LGI2: variants seen among roughly 807,000 people sequenced by gnomAD.
LGI2 encodes the protein leucine-rich repeat LGI family member 2.
Under a neutral mutation model 52.0 loss-of-function variants are expected in LGI2, and 30 were observed. The observed-to-expected ratio is 0.58, with a 90% CI of 0.43 to 0.78. The LOEUF (loss-of-function observed/expected upper bound fraction) is 0.78, where lower values mean the gene tolerates loss of function less well. LGI2 is among the 30% of genes least tolerant of loss of function. LGI2 has a pLI of 0.00. For missense variants in LGI2, 573 were observed against 692.5 expected (o/e 0.83, Z 1.94); for synonymous variants, 270 against 271.8 (o/e 0.99, Z 0.06).
In LGI2 at chr4:25,003,815, C is replaced by T. The variant is rs765677664; in HGVS notation, c.1274G>A (p.Ser425Asn). The T allele has an allele frequency of 6.2e-7, 1 of 1,614,178 alleles. No individual in the cohort carries two copies. The change falls in exon 8 of 8, where the codon AGC becomes AAC. Residue 425 changes from serine to asparagine, a missense_variant. Transcript: ENST00000382114. ...PNMEDVLAVK[S>N]FRMQNTLYLS... is the part of the protein sequence containing the mutation. The stretch of plus-strand genomic sequence containing the variant: ...GTAGAGGGTATTTTGCATTCGGAAG[C>T]TCTTCACAGCCAGTACGTCCTCCAT...
chr4:25,028,476 C>G (rs759745098), intron 2 of LGI2, 31 bp downstream of exon 2: 4 of 1,602,970 alleles, frequency 2.5e-6, no homozygotes, highest in Non-Finnish European at 2.6e-6. Flanking sequence ...TCAGGGCCCC[C>G]CATTGTGCAG....
rs1474063887 is a variant in LGI2, at chr4:25,003,591, T to G, written c.1498A>C (p.Lys500Gln). 1.1e-5 allele frequency: 18 copies of G among 1,614,200 alleles called. No individual in the cohort carries two copies. Among genetic ancestry groups the G allele is most frequent in the Non-Finnish European group, 1.5e-5 (18 of 1,180,036 alleles). ...TGCACGTAAATCTCCTTAAACTTTT[T>G]GAATAGCTGCTTCTCTTTATCCCAC... is the stretch of plus-strand genomic sequence containing the variant. ...YQWDKEKQLF[K>Q]KFKEIYVQAP... is the part of the protein sequence containing the mutation. Residue 500 changes from lysine (K) to glutamine (Q), a missense_variant, in exon 8 of 8, where the codon AAA (lysine) becomes CAA (glutamine). Coordinates refer to ENST00000382114, the MANE Select transcript of LGI2 (RefSeq NM_018176.4).
At chr4:25,015,486 T>A (rs929071437) in intron 6 of LGI2, among the ~76,000 whole-genome samples, 1 of 152,116 alleles carries the variant, frequency 6.6e-6, no homozygotes, top group Non-Finnish European at 1.5e-5. Flanking sequence ...TTACACCCCT[T>A]GGCCAAGGAA....
downstream of LGI2, among the ~76,000 whole-genome samples, chr4:24,995,941 C>T (rs1008479914): frequency 6.6e-6 from 1 of 152,146 alleles, no homozygotes; most frequent in African/African-American, 2.4e-5. Flanking sequence ...TGGAAGAGAG[C>T]TGGCCAGTGG....
downstream of LGI2, among the ~76,000 whole-genome samples, chr4:24,993,941 G>A (rs1380591323): frequency 6.6e-6 from 1 of 152,186 alleles, no homozygotes; most frequent in South Asian, 2.1e-4. Context: ...AAGTAGAGCA[G>A]ATACTCCACT....
rs1174661196 is a variant in LGI2, at chr4:25,019,137, A to T, written c.485+30T>A. ...CATGATTAACTGGGGCACAATGACA[A>T]ACACACATAAACTAAATTTCATTAC... On this transcript the variant is annotated intron_variant, in intron 5 of 7. Coordinates refer to ENST00000382114, the MANE Select transcript of LGI2 (RefSeq NM_018176.4). 2.2e-6 allele frequency: 3 copies of T among 1,372,398 alleles called. No homozygotes were observed. The African/African-American group carries it at 4.3e-5, about 20-fold the overall frequency. 85.0% of individuals were successfully genotyped at this position (1,372,398 alleles called of 1,614,324 possible). A position where few individuals can be genotyped will look rare whatever the true frequency, so the allele number is the denominator to read the frequency against.
Position 25,003,420 on chromosome 4 carries a change from T to C in LGI2, c.*31A>G, listed in dbSNP as rs1330135427. The C allele has an allele frequency of 1.4e-6, 2 of 1,448,012 alleles. No individual in the cohort carries two copies. Among genetic ancestry groups the C allele is most frequent in the Non-Finnish European group, 1.9e-6 (2 of 1,067,546 alleles). The allele number at this position is 1,448,012 out of a possible 1,614,324, so 89.7% of individuals were successfully genotyped here. ...GGTCCTCTTTTGTGAGAGCTAATGC[T>C]ACATTTCTCTTAGTTTCACCCACCA... On this transcript the variant is annotated 3_prime_UTR_variant, in exon 8 of 8. Transcript: ENST00000382114.
At chr4:25,009,035 G>A (rs1244636286) in intron 7 of LGI2, among the ~76,000 whole-genome samples, 1 of 152,188 alleles carries the variant, frequency 6.6e-6, no homozygotes, top group East Asian at 1.9e-4. Flanking sequence ...CGACCTTTGT[G>A]CTCTCACTCT....
chr4:25,018,233 A>C, intron 5 of LGI2, 75 bp from the exon 6 acceptor site: 1 of 1,072,636 alleles, frequency 9.3e-7, no homozygotes, highest in African/African-American at 1.6e-5. Flanking sequence ...AGTAACACGA[A>C]ACTCCAGAAT....
At chr4:25,025,977 C>T (rs1358201793) in intron 3 of LGI2, among the ~76,000 whole-genome samples, 2 of 152,146 alleles carry the variant, frequency 1.3e-5, no homozygotes, top group East Asian at 3.8e-4. Context: ...CTACACTTTC[C>T]ATACTATGTA....
chr4:25,022,971 A>G (rs1211405895), intron 4 of LGI2, among the ~76,000 whole-genome samples: 1 of 152,210 alleles, frequency 6.6e-6, no homozygotes, highest in Non-Finnish European at 1.5e-5. Flanking sequence ...CTGTCTCCTT[A>G]GTAGACTCTG....
chr4:25,010,492 C>T (rs1725544252), intron 7 of LGI2, among the ~76,000 whole-genome samples: 1 of 152,280 alleles, frequency 6.6e-6, no homozygotes, highest in African/African-American at 2.4e-5. Context: ...GCACTCAATC[C>T]TCATAGCATC....
At position 25,010,229 on chromosome 4, in the gene LGI2, G is replaced by A. The variant is rs961430759; in HGVS notation, c.820+2106C>T. Among the ~76,000 whole-genome samples the A allele has an allele frequency of 4.5e-4, 69 of 152,168 alleles. 1 individual carries two copies. Among genetic ancestry groups the A allele is most frequent in the African/African-American group, 1.7e-4 (7 of 41,530 alleles). On this transcript the variant is annotated intron_variant, in intron 7 of 7. Transcript: ENST00000382114. ...CGGGAGGCAGAGGTTGCAGTGAGCC[G>A]AGACTGCGCCACTGCACTCTAGCCT...
In LGI2 at chr4:25,027,020, G is replaced by A. The variant is rs536907141; in HGVS notation, c.270-81C>T. Reference sequence around the variant, plus strand: ...AAGCCATTTCTCTTTCCTTTGCTACGTTTTGATCTGTGGGCAAACATGAGC... The same window carrying A: ...AAGCCATTTCTCTTTCCTTTGCTACATTTTGATCTGTGGGCAAACATGAGC... On this transcript the variant is annotated intron_variant, in intron 2 of 7. Coordinates refer to ENST00000382114, the MANE Select transcript of LGI2 (RefSeq NM_018176.4). The A allele has an allele frequency of 1.1e-3, 1,249 of 1,096,212 alleles. 18 individuals are homozygous for A. In the South Asian group the frequency reaches 0.015, roughly 13 times the overall value. The allele number at this position is 1,096,212 out of a possible 1,614,324, so 67.9% of individuals were successfully genotyped here. A position where few individuals can be genotyped will look rare whatever the true frequency, so the allele number is the denominator to read the frequency against.
At chr4:25,012,687 C>T (rs563369687) in intron 6 of LGI2, among the ~76,000 whole-genome samples, 188 bp from the exon 7 acceptor site, 24 of 152,300 alleles carry the variant, frequency 1.6e-4, no homozygotes, top group Non-Finnish European at 2.5e-4. Context: ...TCCTGGCTTG[C>T]GCAGGATTAT....
chr4:25,025,415 T>C (rs75839104), intron 3 of LGI2, among the ~76,000 whole-genome samples: 3,580 of 152,288 alleles, frequency 0.024, 155 homozygotes, highest in African/African-American at 0.081. Flanking sequence ...CTACACCATC[T>C]AGTCACCAAG....
In LGI2 at chr4:25,009,401, G is replaced by A. The variant is rs73107586; in HGVS notation, c.820+2934C>T. 4.4e-3 allele frequency among the ~76,000 whole-genome samples: 668 copies of A among 152,178 alleles called. 8 individuals are homozygous for A. Among genetic ancestry groups the A allele is most frequent in the African/African-American group, 0.015 (618 of 41,516 alleles). ...CAATCCCACAGGTCTTATTCAAGTAGCACCTTCTTGATGAGGCCTCTCCTG... is the reference window on the plus strand; with the variant it reads ...CAATCCCACAGGTCTTATTCAAGTAACACCTTCTTGATGAGGCCTCTCCTG... On this transcript the variant is annotated intron_variant, in intron 7 of 7. Coordinates refer to ENST00000382114, the MANE Select transcript of LGI2 (RefSeq NM_018176.4).
At chr4:25,019,389 G>C in intron 4 of LGI2, 151 bp from the exon 5 acceptor site, 2 of 571,672 alleles carry the variant, frequency 3.5e-6, no homozygotes, top group Non-Finnish European at 6.2e-6. Context: ...TATAACATAA[G>C]AGATGCTGGA....
At chr4:25,020,916 T>C (rs1725937510) in intron 4 of LGI2, among the ~76,000 whole-genome samples, 1 of 152,236 alleles carries the variant, frequency 6.6e-6, no homozygotes, top group South Asian at 2.1e-4. Flanking sequence ...AGACTAAAGC[T>C]ACTCTGAAAG....
Sources: gnomAD v4.1 joint callset for allele counts (sites outside exome capture counted in the v4.1 genomes callset) on GRCh38, gnomAD v4.1.1 for gene constraint, MANE v1.5 for transcripts, NCBI Gene and HGNC (gene_info 2026-07-23, HGNC 2026-07-21) for gene names.